The following HTR7 variants were observed in gnomAD, a reference collection of about 807,000 sequenced individuals.
The protein encoded by HTR7 is 5-hydroxytryptamine receptor 7.
Under a neutral mutation model 34.0 loss-of-function variants are expected in HTR7, and 16 were observed. The observed-to-expected ratio is 0.47, with a 90% CI of 0.32 to 0.71. HTR7 has a LOEUF of 0.71. Ranked by LOEUF, HTR7 falls within the 30% of genes least tolerant of loss-of-function variation. The pLI, the probability that HTR7 is intolerant of heterozygous loss-of-function variation, is 0.04. For synonymous variants in HTR7, 265 were observed against 260.2 expected (o/e 1.02, Z -0.18); for missense variants, 504 against 625.5 (o/e 0.81, Z 2.07).
chr10:90,842,633 C>T (rs1242585922), intron 1 of HTR7, among the ~76,000 whole-genome samples: 1 of 151,846 alleles, frequency 6.6e-6, no homozygotes, highest in Non-Finnish European at 1.5e-5. Flanking sequence ...CTATGCTCCT[C>T]TACTTGGGTA....
intron 1 of HTR7, among the ~76,000 whole-genome samples, chr10:90,765,882 G>T (rs1368167702): frequency 6.6e-6 from 1 of 152,144 alleles, no homozygotes; most frequent in Non-Finnish European, 1.5e-5. Context: ...GTTCAGAAAA[G>T]ATACTTGATA....
chr10:90,809,332 T>G (rs1315050377), intron 1 of HTR7, among the ~76,000 whole-genome samples: 1 of 152,214 alleles, frequency 6.6e-6, no homozygotes, highest in Non-Finnish European at 1.5e-5. Flanking sequence ...AGATAGCGTT[T>G]AGGCTCTTTT....
chr10:90,777,869 T>G (rs541871343), intron 1 of HTR7, among the ~76,000 whole-genome samples: 2 of 152,162 alleles, frequency 1.3e-5, no homozygotes, highest in African/African-American at 4.8e-5. Context: ...GTATGAGAGA[T>G]CAAAATCTGT....
chr10:90,742,536 A>G lies in HTR7; in HGVS notation c.1394-8T>C. On this transcript the variant is annotated splice_polypyrimidine_tract_variant and splice_region_variant and intron_variant, in intron 3 of 3. Coordinates refer to ENST00000336152, the MANE Select transcript of HTR7 (RefSeq NM_019859.4). ...CAGTAGTCAGCATTTTGTCTAAAAAAAAGAGAGAGAAAAATAGAAAATAAT... is the reference window on the plus strand; with the variant it reads ...CAGTAGTCAGCATTTTGTCTAAAAAGAAGAGAGAGAAAAATAGAAAATAAT... 6.4e-7 allele frequency: 1 copy of G among 1,562,400 alleles called. No homozygotes were observed. The highest frequency in any genetic ancestry group is 8.7e-7 in the Non-Finnish European group (1 of 1,143,990).
rs761714381 is a variant in HTR7 at position 90,857,560 on chromosome 10, C to G, written c.112G>C (p.Asp38His). 56 of 1,596,014 alleles carry G rather than the reference C, an allele frequency of 3.5e-5. No homozygotes were observed. The highest frequency in any genetic ancestry group is 4.3e-5 in the Non-Finnish European group (51 of 1,172,616). Reference sequence around the variant, plus strand: ...GGCGCCCAGGAGCCCGCGACCGGGTCGGCGCCACCGTCGGGGCTCAAGTCG... The same window carrying G: ...GGCGCCCAGGAGCCCGCGACCGGGTGGGCGCCACCGTCGGGGCTCAAGTCG... ...LPDLSPDGGA[D>H]PVAGSWAPHL... Residue 38 changes from aspartate (D) to histidine (H), a missense_variant, in exon 1 of 4, where the codon GAC (aspartate) becomes CAC (histidine). Physicochemically the swap from Asp to His is moderately conservative, Grantham distance 81 (BLOSUM62 -1). Around this residue, in one of 4 missense-constraint regions of HTR7, gnomAD observed 139 missense variants for 117.1 expected, o/e 1.19. Coordinates refer to ENST00000336152, the MANE Select transcript of HTR7 (RefSeq NM_019859.4). The surrounding 1 kb of genome is among the most constrained non-coding windows in gnomAD (Gnocchi z 6.5).
intron 1 of HTR7, among the ~76,000 whole-genome samples, chr10:90,774,994 C>G (rs1472377985): frequency 6.6e-6 from 1 of 152,098 alleles, no homozygotes; most frequent in Non-Finnish European, 1.5e-5. Flanking sequence ...GAGGGACTGC[C>G]TAAAGAAAAT....
At chr10:90,746,778 C>G (rs904267135) in intron 2 of HTR7, among the ~76,000 whole-genome samples, 1 of 152,164 alleles carries the variant, frequency 6.6e-6, no homozygotes, top group Admixed American at 6.6e-5. Flanking sequence ...TCACCAGTTC[C>G]CTACCTTCAA....
At chr10:90,775,184 T>C (rs922102396) in intron 1 of HTR7, among the ~76,000 whole-genome samples, 1 of 152,212 alleles carries the variant, frequency 6.6e-6, no homozygotes, top group African/African-American at 2.4e-5. Context: ...CATGTATTCA[T>C]TGATGTGTTT....
intron 1 of HTR7, among the ~76,000 whole-genome samples, chr10:90,787,018 T>C (rs1267086780): frequency 6.6e-6 from 1 of 152,228 alleles, no homozygotes; most frequent in South Asian, 2.1e-4. Flanking sequence ...GACAGAAATC[T>C]AGAAGAAAGT....
chr10:90,775,075 C>T (rs1845184970), intron 1 of HTR7, among the ~76,000 whole-genome samples: 1 of 152,174 alleles, frequency 6.6e-6, no homozygotes, highest in African/African-American at 2.4e-5. Flanking sequence ...TAAAGTTACC[C>T]ATACTCTCAT....
chr10:90,747,700 C>T (rs568969150), intron 2 of HTR7, among the ~76,000 whole-genome samples: 9 of 152,242 alleles, frequency 5.9e-5, no homozygotes, highest in African/African-American at 2.2e-4. Flanking sequence ...GACAAGATGA[C>T]CAGGAAGGTC....
intron 1 of HTR7, among the ~76,000 whole-genome samples, chr10:90,810,559 G>A (rs923707043): frequency 3.3e-5 from 5 of 152,122 alleles, no homozygotes; most frequent in African/African-American, 1.2e-4. Flanking sequence ...AGTTAGTTCA[G>A]GATCTGTGCC....
At chr10:90,793,458 T>A (rs1213730906) in intron 1 of HTR7, among the ~76,000 whole-genome samples, 1 of 145,732 alleles carries the variant, frequency 6.9e-6, no homozygotes, top group East Asian at 2.0e-4. Context: ...ATATTTCTAA[T>A]TATATATATA....
chr10:90,793,470 A>ATT (rs1845490392), intron 1 of HTR7, among the ~76,000 whole-genome samples: 1 of 148,250 alleles, frequency 6.7e-6, no homozygotes, highest in Non-Finnish European at 1.5e-5. Flanking sequence ...ATATATATAT[A>ATT]TATTTAGTAT....
chr10:90,744,820 C>T (rs1844609489), intron 2 of HTR7, among the ~76,000 whole-genome samples: 1 of 152,200 alleles, frequency 6.6e-6, no homozygotes, highest in Non-Finnish European at 1.5e-5. Context: ...TTTATAATTT[C>T]ATCTCAATCT....
chr10:90,856,756 T>C (rs1277587314), intron 1 of HTR7, among the ~76,000 whole-genome samples: 1 of 152,182 alleles, frequency 6.6e-6, no homozygotes, highest in Non-Finnish European at 1.5e-5. Context: ...CTTATTATTA[T>C]TATTTTTTAA....
At chr10:90,771,821 C>G (rs74656727) in intron 1 of HTR7, among the ~76,000 whole-genome samples, 2,908 of 152,192 alleles carry the variant, frequency 0.019, 68 homozygotes, top group African/African-American at 0.055. Flanking sequence ...AGAACAGCAG[C>G]CCCAAGCAAA....
intron 1 of HTR7, among the ~76,000 whole-genome samples, chr10:90,786,050 C>A (rs1156378831): frequency 3.3e-5 from 5 of 152,188 alleles, no homozygotes; most frequent in Admixed American, 6.5e-5. Flanking sequence ...ACTGCTCATT[C>A]CAAGCATTTC....
At chr10:90,849,298 C>G (rs1330776350) in intron 1 of HTR7, among the ~76,000 whole-genome samples, 1 of 152,048 alleles carries the variant, frequency 6.6e-6, no homozygotes, top group Non-Finnish European at 1.5e-5. Flanking sequence ...ATGTAAATTC[C>G]CTTTGCTCCA....
Sources: gnomAD v4.1 joint callset for allele counts (sites outside exome capture counted in the v4.1 genomes callset) on GRCh38, gnomAD v4.1.1 for gene constraint, gnomAD v4.1.1 regional missense constraint, Gnocchi (gnomAD v3.1) non-coding constraint, MANE v1.5 for transcripts, NCBI Gene and HGNC (gene_info 2026-07-23, HGNC 2026-07-21) for gene names.